The following CRACR2A variants were observed in gnomAD, a reference collection of about 807,000 sequenced individuals.
CRACR2A encodes calcium release activated channel regulator 2A.
In CRACR2A, 79 loss-of-function variants were observed where a neutral mutation model predicts 90.5. That is an observed-to-expected ratio of 0.87 (90% CI 0.73 to 1.05). The LOEUF (loss-of-function observed/expected upper bound fraction) is 1.05. Ranked by LOEUF, CRACR2A falls within the 50% of genes least tolerant of loss-of-function variation. The probability of loss-of-function intolerance (pLI) is 0.00; values close to 1 mark genes in which losing one functional copy is unlikely to be tolerated. For missense variants in CRACR2A, 823 were observed against 897.2 expected (o/e 0.92, Z 1.06); for synonymous variants, 338 against 356.7 (o/e 0.95, Z 0.59).
chr12:3,654,502 G>T, intron 9 of CRACR2A, 103 bp from the exon 10 acceptor site: 1 of 1,139,514 alleles, frequency 8.8e-7, no homozygotes. Context: ...GGCAGGAACC[G>T]TCACTGCCAC....
chr12:3,654,472 C>T lies in CRACR2A; in HGVS notation c.859-73G>A, dbSNP rs993696217. The T allele has an allele frequency of 4.2e-6, 6 of 1,443,338 alleles. No individual in the cohort carries two copies. In the Admixed American group the frequency reaches 1.5e-4, roughly 35 times the overall value. The allele number at this position is 1,443,338 out of a possible 1,614,324, so 89.4% of individuals were successfully genotyped here. On this transcript the variant is annotated intron_variant, in intron 9 of 19. Coordinates refer to ENST00000440314, the MANE Select transcript of CRACR2A (RefSeq NM_001144958.2). Reference sequence around the variant, plus strand: ...TCAGGAGGGCCTGCCCTGGCCTCACCTTGTTTTCTCTGCTTGGCAGGCAGG... The same window carrying T: ...TCAGGAGGGCCTGCCCTGGCCTCACTTTGTTTTCTCTGCTTGGCAGGCAGG...
At chr12:3,628,761 G>A (rs540177550) in intron 15 of CRACR2A, among the ~76,000 whole-genome samples, 1 of 152,334 alleles carries the variant, frequency 6.6e-6, no homozygotes, top group South Asian at 2.1e-4. Context: ...CTTCAGAAAG[G>A]CCTCTGGAGG....
chr12:3,659,432 G>C, intron 8 of CRACR2A, 132 bp downstream of exon 8: 2 of 683,698 alleles, frequency 2.9e-6, no homozygotes, highest in South Asian at 3.8e-5. Flanking sequence ...TAAATGCCTT[G>C]AAAAAAAAAT....
Position 3,641,795 on chromosome 12 carries a change from C to G in CRACR2A, c.1208G>C (p.Ser403Thr). 1.3e-6 allele frequency: 2 copies of G among 1,551,728 alleles called. No homozygotes were observed. The highest frequency in any genetic ancestry group is 2.4e-5 in the South Asian group (2 of 84,064). The change falls in exon 13 of 20, where the codon AGT becomes ACT. Residue 403 changes from serine (S) to threonine (T), a missense_variant. By Grantham distance (58) the Ser-to-Thr change is moderately conservative (BLOSUM62 1). Transcript: ENST00000440314. ...AKANTAASRA[S>T]WKKRSGSVIG... ...CACAGAGCCAGATCTCTTTTTCCAA[C>G]TTGCCCTGGAAGCAGCTGTGTTTGC...
At chr12:3,653,929 C>T (rs1366368596) in intron 10 of CRACR2A, among the ~76,000 whole-genome samples, 1 of 152,110 alleles carries the variant, frequency 6.6e-6, no homozygotes, top group Non-Finnish European at 1.5e-5. Context: ...TATGAGTAAC[C>T]TCATATTTGT....
At chr12:3,738,456 A>G (rs1193276747) in intron 1 of CRACR2A, among the ~76,000 whole-genome samples, 1 of 152,238 alleles carries the variant, frequency 6.6e-6, no homozygotes, top group Non-Finnish European at 1.5e-5. Context: ...AGAATGAACC[A>G]AAGAGAATGT....
intron 4 of CRACR2A, among the ~76,000 whole-genome samples, chr12:3,692,220 T>C (rs1238905145): frequency 1.3e-5 from 2 of 152,236 alleles, no homozygotes; most frequent in Non-Finnish European, 2.9e-5. Flanking sequence ...CTCTGGCTTT[T>C]TGAGTTGTCA....
intron 2 of CRACR2A, among the ~76,000 whole-genome samples, chr12:3,720,416 G>GAAGAAAGAAAGAAAGAAAGAAAGA (rs554793478): frequency 0.011 from 1,158 of 106,668 alleles, 21 homozygotes; most frequent in Middle Eastern, 0.021. Context: ...TGAGAGAGAG[G>GAAGAAAGAAAGAAAGAAAGAAAGA]AAGAAAGAAA....
rs375100444 is a variant in CRACR2A, at chr12:3,645,898, T to C, written c.1119-1258A>G. On this transcript the variant is annotated intron_variant, in intron 11 of 19. Coordinates refer to ENST00000440314, the MANE Select transcript of CRACR2A (RefSeq NM_001144958.2). ...TAGGTATCTTCAAAAGAGATAAAAC[T>C]GACAATGGAGGAGAGAAAGAACAAA... Among the ~76,000 whole-genome samples the C allele has an allele frequency of 4.3e-4, 65 of 152,172 alleles. 1 individual carries two copies. The highest frequency in any genetic ancestry group is 1.5e-3 in the African/African-American group (63 of 41,498).
intron 3 of CRACR2A, among the ~76,000 whole-genome samples, chr12:3,708,226 G>C (rs1164810087): frequency 1.3e-5 from 2 of 152,078 alleles, no homozygotes; most frequent in Non-Finnish European, 2.9e-5. Flanking sequence ...CTTATCCAAC[G>C]ACTGACAGGC....
chr12:3,629,944 G>C (rs1375019149), intron 15 of CRACR2A, among the ~76,000 whole-genome samples: 1 of 152,128 alleles, frequency 6.6e-6, no homozygotes, highest in African/African-American at 2.4e-5. Context: ...GGGACCAGAG[G>C]GCCTGGATGA....
intron 11 of CRACR2A, 108 bp downstream of exon 11, chr12:3,648,434 G>A (rs1591654410): frequency 6.3e-7 from 1 of 1,596,094 alleles, no homozygotes; most frequent in Admixed American, 1.7e-5. Flanking sequence ...CACTCTCTCA[G>A]CAGGCACGTT....
chr12:3,629,150 A>T (rs899937045), intron 15 of CRACR2A, among the ~76,000 whole-genome samples: 1 of 152,132 alleles, frequency 6.6e-6, no homozygotes, highest in African/African-American at 2.4e-5. Context: ...ACACATATGC[A>T]TATGTACTCA....
At chr12:3,723,806 C>G (rs1946218861) in intron 2 of CRACR2A, among the ~76,000 whole-genome samples, 1 of 152,164 alleles carries the variant, frequency 6.6e-6, no homozygotes, top group Non-Finnish European at 1.5e-5. Flanking sequence ...TGCATTTTGG[C>G]CTGTGCTTAC....
intron 1 of CRACR2A, among the ~76,000 whole-genome samples, chr12:3,741,757 A>G (rs541417173): frequency 6.6e-6 from 1 of 152,348 alleles, no homozygotes; most frequent in African/African-American, 2.4e-5. Flanking sequence ...CAGCATTAGG[A>G]GTCACATCAC....
At chr12:3,745,884 C>T (rs182050836) in intron 1 of CRACR2A, among the ~76,000 whole-genome samples, 1 of 150,046 alleles carries the variant, frequency 6.7e-6, no homozygotes, top group African/African-American at 2.5e-5. Flanking sequence ...AAACCATCTC[C>T]TTCCCTACAG....
chr12:3,620,121 G>A (rs560370923), intron 17 of CRACR2A, among the ~76,000 whole-genome samples: 2 of 152,358 alleles, frequency 1.3e-5, no homozygotes, highest in South Asian at 2.1e-4. Flanking sequence ...TACCAGCCAG[G>A]GGCCTGCTTC....
chr12:3,684,295 G>C (rs1945514516), intron 4 of CRACR2A, among the ~76,000 whole-genome samples: 1 of 152,176 alleles, frequency 6.6e-6, no homozygotes, highest in Admixed American at 6.5e-5. Context: ...TCTAGGACGA[G>C]AGTGGGAGGT....
At chr12:3,684,175 C>G (rs530557455) in intron 4 of CRACR2A, among the ~76,000 whole-genome samples, 2 of 152,228 alleles carry the variant, frequency 1.3e-5, no homozygotes, top group South Asian at 4.1e-4. Flanking sequence ...TTTTTATGTC[C>G]AGAATTACAC....
Sources: allele counts gnomAD v4.1 joint callset (sites outside exome capture counted in the v4.1 genomes callset), GRCh38; gene constraint gnomAD v4.1.1; transcripts MANE v1.5; gene names NCBI Gene and HGNC (gene_info 2026-07-23, HGNC 2026-07-21).